The following CDC14A variants were observed in gnomAD, a reference collection of about 807,000 sequenced individuals.
The protein encoded by CDC14A is cell division cycle 14A, also known as dual specificity protein phosphatase CDC14A.
Under a neutral mutation model 74.4 loss-of-function variants are expected in CDC14A, and 53 were observed. That is an observed-to-expected ratio of 0.71 (90% CI 0.57 to 0.89). The LOEUF (loss-of-function observed/expected upper bound fraction) is 0.89. Among genes scored for constraint, CDC14A ranks in the 40% least tolerant of loss-of-function variants. The pLI is 0.00. For missense variants in CDC14A, 646 were observed against 713.7 expected, an observed-to-expected ratio of 0.91 and a Z score of 1.08; for synonymous variants, 247 against 258.4, an observed-to-expected ratio of 0.96 and a Z score of 0.43.
intron 15 of CDC14A, among the ~76,000 whole-genome samples, chr1:100,511,936 C>G (rs954184894): frequency 1.3e-5 from 2 of 152,122 alleles, no homozygotes; most frequent in Non-Finnish European, 2.9e-5. Flanking sequence ...TCAAGTCTGG[C>G]TCCCCTGGCT....
intron 15 of CDC14A, among the ~76,000 whole-genome samples, chr1:100,502,583 A>G (rs1165223994): frequency 6.6e-6 from 1 of 152,250 alleles, no homozygotes; most frequent in Non-Finnish European, 1.5e-5. Context: ...TAAGTGATGC[A>G]TGACTATGTA....
chr1:100,436,427 T>C (rs1664346666), intron 5 of CDC14A, among the ~76,000 whole-genome samples: 1 of 152,042 alleles, frequency 6.6e-6, no homozygotes, highest in African/African-American at 2.4e-5. Context: ...TATCATTTTT[T>C]TTTTTGGTTT....
At chr1:100,467,816 A>C in intron 9 of CDC14A, 140 bp from the exon 10 acceptor site, 1 of 793,602 alleles carries the variant, frequency 1.3e-6, no homozygotes. Context: ...GTTTTACATG[A>C]TAGCAGTTAT....
intron 4 of CDC14A, among the ~76,000 whole-genome samples, chr1:100,420,514 CTT>C (rs1407161515): frequency 2.6e-5 from 4 of 151,986 alleles, no homozygotes; most frequent in African/African-American, 9.7e-5. Flanking sequence ...TTAGTACAGA[CTT>C]GATATTTGTT....
chr1:100,397,045 TA>T (rs960890017), intron 4 of CDC14A, among the ~76,000 whole-genome samples: 9 of 151,928 alleles, frequency 5.9e-5, no homozygotes, highest in South Asian at 4.2e-4. Flanking sequence ...TTTTTTTTTT[TA>T]AAGCTCATCA....
intron 4 of CDC14A, among the ~76,000 whole-genome samples, chr1:100,409,033 A>G (rs369672937): frequency 6.6e-6 from 1 of 152,200 alleles, no homozygotes; most frequent in African/African-American, 2.4e-5. Flanking sequence ...ATAAAGACAT[A>G]TCTGAGACTG....
chr1:100,428,153 C>T (rs370207350), intron 5 of CDC14A, among the ~76,000 whole-genome samples: 16 of 152,064 alleles, frequency 1.1e-4, no homozygotes, highest in South Asian at 4.1e-4. Flanking sequence ...TAACAAAAAA[C>T]GAGAATTGTG....
intron 4 of CDC14A, among the ~76,000 whole-genome samples, chr1:100,412,767 A>ATATTTTATATATATATATT (rs1553179032): frequency 1.1e-5 from 1 of 88,438 alleles, no homozygotes; most frequent in Non-Finnish European, 2.0e-5. Context: ...ATATATATAT[A>ATATTTTATATATATATATT]TTATATATAT....
At chr1:100,488,894 T>C (rs7516193) in intron 11 of CDC14A, among the ~76,000 whole-genome samples, 2,565 of 152,282 alleles carry the variant, frequency 0.017, 84 homozygotes, top group African/African-American at 0.058. Context: ...CTGAATGCCA[T>C]TGGGATCCAC....
chr1:100,468,073 C>G lies in CDC14A; in HGVS notation c.956C>G (p.Pro319Arg). Reference sequence around the variant, plus strand: ...TGCCGGCCAGGCTCTATTATAGGACCCCAGCAGCACTTCCTGGAAGAGTAA... The same window carrying G: ...TGCCGGCCAGGCTCTATTATAGGACGCCAGCAGCACTTCCTGGAAGAGTAA... The part of the protein sequence containing the change: ...RICRPGSIIG[P>R]QQHFLEEKQA... The change falls in exon 10 of 16, where the codon CCC becomes CGC. Residue 319 changes from proline (P) to arginine (R), a missense_variant. Coordinates refer to ENST00000336454, the MANE Select transcript of CDC14A (RefSeq NM_003672.4). The G allele has an allele frequency of 6.2e-7, 1 of 1,613,552 alleles. No individual in the cohort carries two copies. Among genetic ancestry groups the G allele is most frequent in the Non-Finnish European group, 8.5e-7 (1 of 1,179,800 alleles).
At chr1:100,353,133 T>TA in intron 1 of CDC14A, 130 bp downstream of exon 1, 1 of 920,896 alleles carries the variant, frequency 1.1e-6, no homozygotes, top group South Asian at 1.4e-5. Flanking sequence ...TCGTCCCCTC[T>TA]AGGGACTCTC....
At chr1:100,423,111 C>G (rs1662557080) in intron 4 of CDC14A, among the ~76,000 whole-genome samples, 1 of 152,184 alleles carries the variant, frequency 6.6e-6, no homozygotes, top group Admixed American at 6.5e-5. Flanking sequence ...TTAAATTGCT[C>G]TTGGAATAAA....
At chr1:100,488,343 A>G (rs2101381952) in intron 11 of CDC14A, among the ~76,000 whole-genome samples, 1 of 152,298 alleles carries the variant, frequency 6.6e-6, no homozygotes, top group Non-Finnish European at 1.5e-5. Flanking sequence ...GTAGAGGTCA[A>G]ACCATCTGGC....
chr1:100,401,686 A>G (rs535170312), intron 4 of CDC14A, among the ~76,000 whole-genome samples: 2 of 152,296 alleles, frequency 1.3e-5, no homozygotes, highest in African/African-American at 4.8e-5. Flanking sequence ...TTTGCTACTA[A>G]GTGTCAACGA....
chr1:100,477,268 T>G (rs1260393887), intron 10 of CDC14A, among the ~76,000 whole-genome samples: 1 of 152,106 alleles, frequency 6.6e-6, no homozygotes, highest in African/African-American at 2.4e-5. Flanking sequence ...CTGCTTTGTA[T>G]AGATAGCAAA....
intron 3 of CDC14A, chr1:100,383,617 A>C (rs1656452247): frequency 6.6e-6 from 1 of 152,588 alleles, no homozygotes; most frequent in Non-Finnish European, 1.5e-5. Context: ...TGCTGCGGCC[A>C]TTACTGGGCT....
rs531944487 is a variant in CDC14A, at chr1:100,463,369, A to G, written c.838+488A>G. On this transcript the variant is annotated intron_variant, in intron 9 of 15. Coordinates refer to ENST00000336454, the MANE Select transcript of CDC14A (RefSeq NM_003672.4). ...CCCCTCCTAGTCTTTGGCTTCATGG[A>G]GCAGAGCGTCTTCCATGCCTGTTGC... 4.6e-5 allele frequency among the ~76,000 whole-genome samples: 7 copies of G among 152,100 alleles called. No individual in the cohort carries two copies. The East Asian group carries it at 1.4e-3, about 29-fold the overall frequency.
At chr1:100,403,743 A>G (rs1659569161) in intron 4 of CDC14A, among the ~76,000 whole-genome samples, 2 of 152,154 alleles carry the variant, frequency 1.3e-5, no homozygotes, top group South Asian at 2.1e-4. Flanking sequence ...CTGGCAACCA[A>G]AATGTGCATT....
upstream of CDC14A, among the ~76,000 whole-genome samples, chr1:100,351,547 C>T (rs17122303): frequency 0.087 from 13,317 of 152,252 alleles, 2,010 homozygotes; most frequent in African/African-American, 0.3. Context: ...TGGAGCGCTT[C>T]AGCTGAGACT....
Sources: gnomAD v4.1 joint callset for allele counts (sites outside exome capture counted in the v4.1 genomes callset) on GRCh38, gnomAD v4.1.1 for gene constraint, MANE v1.5 for transcripts, NCBI Gene and HGNC (gene_info 2026-07-23, HGNC 2026-07-21) for gene names.